Variants in TMTC3 observed in about 807,000 individuals in gnomAD.
TMTC3 encodes the protein transmembrane O-mannosyltransferase targeting cadherins 3.
TMTC3 carries 52 observed loss-of-function variants against 92.2 expected under a neutral mutation model. The observed-to-expected ratio is 0.56, with a 90% CI of 0.45 to 0.71. TMTC3 has a LOEUF of 0.71. Ranked by LOEUF, TMTC3 falls within the 30% of genes least tolerant of loss-of-function variation. TMTC3 has a pLI of 0.00. For synonymous variants in TMTC3, 339 were observed against 363.3 expected (o/e 0.93, Z 0.76); for missense variants, 896 against 1,057.1 (o/e 0.85, Z 2.11).
chr12:88,177,229 G>A, intron 10 of TMTC3, among the ~76,000 whole-genome samples: 1 of 151,840 alleles, frequency 6.6e-6, no homozygotes, highest in Non-Finnish European at 1.5e-5. Context: ...AGGTGGCTGA[G>A]GCACAAGAAT....
At chr12:88,166,977 C>CT (rs2041150648) in intron 7 of TMTC3, among the ~76,000 whole-genome samples, 1 of 140,000 alleles carries the variant, frequency 7.1e-6, no homozygotes, top group African/African-American at 2.6e-5. Flanking sequence ...TCGGAGAACT[C>CT]TGATTATTTG....
Position 88,195,160 on chromosome 12 carries a change from T to C in TMTC3, c.2256T>C (p.Asp752=). 6.2e-7 allele frequency: 1 copy of C among 1,613,792 alleles called. No individual in the cohort carries two copies. The highest frequency in any genetic ancestry group is 1.3e-5 in the African/African-American group (1 of 75,020). Residue 752 remains aspartate, a synonymous_variant, in exon 14 of 14, where the codon GAT becomes GAC. Transcript: ENST00000266712. ...ACATTCTGATGAATCAAAAGAAAGA[T>C]ATACTAGGAGCAAAAAAATGTTTTG... is the stretch of plus-strand genomic sequence containing the variant. The part of the protein sequence containing the change: ...KGDILMNQKK[D]ILGAKKCFER...
chr12:88,152,736 G>T (rs1048478228), intron 2 of TMTC3, among the ~76,000 whole-genome samples: 3 of 152,080 alleles, frequency 2.0e-5, no homozygotes, highest in Admixed American at 6.6e-5. Flanking sequence ...TTTTACTCTT[G>T]TATTACTCTC....
intron 2 of TMTC3, among the ~76,000 whole-genome samples, chr12:88,152,433 CA>C (rs1406409416): frequency 1.3e-5 from 2 of 152,176 alleles, no homozygotes; most frequent in Non-Finnish European, 2.9e-5. Context: ...GCCCAACCTT[CA>C]ACATTTCAAC....
At chr12:88,150,653 C>G (rs1243706591) in intron 2 of TMTC3, among the ~76,000 whole-genome samples, 1 of 152,138 alleles carries the variant, frequency 6.6e-6, no homozygotes, top group Admixed American at 6.5e-5. Context: ...GGCATATTCT[C>G]TCCCTGAAGG....
chr12:88,151,611 G>T (rs1438532700), intron 2 of TMTC3, among the ~76,000 whole-genome samples: 15 of 152,072 alleles, frequency 9.9e-5, no homozygotes, highest in Non-Finnish European at 4.4e-5. Flanking sequence ...CTGTTAGTTG[G>T]TCATCACCTA....
intron 1 of TMTC3, among the ~76,000 whole-genome samples, chr12:88,144,063 C>T (rs1389070304): frequency 2.6e-5 from 4 of 152,194 alleles, no homozygotes; most frequent in Non-Finnish European, 4.4e-5. Context: ...AACGAGCAGA[C>T]GTCCCACCTT....
chr12:88,153,530 AC>A (rs776187628), intron 3 of TMTC3, 21 bp downstream of exon 3: 5 of 1,460,240 alleles, frequency 3.4e-6, no homozygotes, highest in Non-Finnish European at 3.8e-6. Flanking sequence ...CTATGAACTG[AC>A]TTTTTTTCTT....
intron 3 of TMTC3, among the ~76,000 whole-genome samples, chr12:88,153,938 A>G (rs1005868388): frequency 6.6e-6 from 1 of 152,048 alleles, no homozygotes; most frequent in African/African-American, 2.4e-5. Context: ...TTTTAAGAAA[A>G]TATGTAAGAA....
In TMTC3 at chr12:88,198,727, C is replaced by A. The variant is rs1307913063; in HGVS notation, c.*3078C>A. ...CATGTTACAGAATGCTTTAAAGATG[C>A]TTTAATGAAAAGTATTAAGAAAATA... On this transcript the variant is annotated 3_prime_UTR_variant, in exon 14 of 14. Coordinates refer to ENST00000266712, the MANE Select transcript of TMTC3 (RefSeq NM_181783.4). 7.9e-6 allele frequency: 2 copies of A among 252,334 alleles called. No individual in the cohort carries two copies. Among genetic ancestry groups the A allele is most frequent in the Non-Finnish European group, 1.5e-5 (2 of 134,628 alleles). 15.6% of individuals were successfully genotyped at this position (252,334 alleles called of 1,614,324 possible).
chr12:88,174,529 T>G lies in TMTC3; in HGVS notation c.1200-78T>G. 2.0e-6 allele frequency: 3 copies of G among 1,479,680 alleles called. 1 individual carries two copies. The South Asian group carries it at 3.8e-5, about 19-fold the overall frequency. 91.7% of individuals were successfully genotyped at this position (1,479,680 alleles called of 1,614,324 possible). A position where few individuals can be genotyped will look rare whatever the true frequency, so the allele number is the denominator to read the frequency against. On this transcript the variant is annotated intron_variant, in intron 8 of 13. Coordinates refer to ENST00000266712, the MANE Select transcript of TMTC3 (RefSeq NM_181783.4). ...ATTTTAGGAGCATTTAAGATACTTC[T>G]TACCTCTGTTCTAAAAGGTAAAATG...
chr12:88,184,456 C>T (rs11833267), intron 10 of TMTC3, among the ~76,000 whole-genome samples: 10,577 of 152,246 alleles, frequency 0.069, 1,250 homozygotes, highest in African/African-American at 0.24. Flanking sequence ...TTTGCAAAGC[C>T]TCCTGGCCTT....
At chr12:88,179,110 A>C (rs1418398899) in intron 10 of TMTC3, among the ~76,000 whole-genome samples, 4 of 152,248 alleles carry the variant, frequency 2.6e-5, no homozygotes, top group Admixed American at 1.3e-4. Context: ...GCCATGAGAT[A>C]GGAAAACAAG....
rs367600877 is a variant in TMTC3, at chr12:88,195,663, C to T, written c.*14C>T. The T allele has an allele frequency of 1.4e-5, 22 of 1,561,130 alleles. No individual in the cohort carries two copies. The highest frequency in any genetic ancestry group is 1.8e-4 in the Middle Eastern group (1 of 5,544). Reference sequence around the variant, plus strand: ...AATGGTGAATAACATTAATATTTATCGTGACAATGGTATCAAAGAACATCA... The same window carrying T: ...AATGGTGAATAACATTAATATTTATTGTGACAATGGTATCAAAGAACATCA... On this transcript the variant is annotated 3_prime_UTR_variant, in exon 14 of 14. Transcript: ENST00000266712.
intron 1 of TMTC3, among the ~76,000 whole-genome samples, chr12:88,144,806 T>C (rs1469519856): frequency 6.6e-6 from 1 of 152,206 alleles, no homozygotes; most frequent in Non-Finnish European, 1.5e-5. Context: ...TGTACCTAAG[T>C]GTGAGTCAGG....
At chr12:88,142,894 T>C (rs2040770568) in intron 1 of TMTC3, among the ~76,000 whole-genome samples, 2 of 152,080 alleles carry the variant, frequency 1.3e-5, no homozygotes, top group South Asian at 4.1e-4. Context: ...AGGTTAGTAC[T>C]TGTCCGGACC....
chr12:88,194,694 AT>A (rs1457669107), intron 13 of TMTC3, 143 bp from the exon 14 acceptor site: 1 of 552,258 alleles, frequency 1.8e-6, no homozygotes, highest in Non-Finnish European at 2.8e-6. Flanking sequence ...AGACTTCGAG[AT>A]TTTTGCTTTC....
chr12:88,194,880 G>A lies in TMTC3; in HGVS notation c.1976G>A (p.Ser659Asn). Residue 659 changes from serine to asparagine, a missense_variant, in exon 14 of 14, where the codon AGT (serine) becomes AAT (asparagine). Physicochemically the swap from Ser to Asn is conservative, Grantham distance 46. Transcript: ENST00000266712. ...LRPEARKRLL[S>N]YINEEPLDAN... ...CCTGAAGCTAGAAAACGACTTCTAA[G>A]TTATATAAATGAAGAGCCACTAGAT... is the stretch of plus-strand genomic sequence containing the variant. 1 of 1,611,112 alleles carries A rather than the reference G, an allele frequency of 6.2e-7. No homozygotes were observed.
rs2041507486 is a variant in TMTC3 at position 88,195,930 on chromosome 12, T to C, written c.*281T>C. On this transcript the variant is annotated 3_prime_UTR_variant, in exon 14 of 14. Coordinates refer to ENST00000266712, the MANE Select transcript of TMTC3 (RefSeq NM_181783.4). ...TAGAAAGAAGGTGTTTCTGGCAATG[T>C]AATCTTTACTGCTCTCAATTAAAAA... is the stretch of plus-strand genomic sequence containing the variant. The C allele has an allele frequency of 4.2e-6, 1 of 238,818 alleles. No homozygotes were observed. Among genetic ancestry groups the C allele is most frequent in the Non-Finnish European group, 8.1e-6 (1 of 124,124 alleles). The allele number at this position is 238,818 out of a possible 1,614,324, so 14.8% of individuals were successfully genotyped here. A position where few individuals can be genotyped will look rare whatever the true frequency, so the allele number is the denominator to read the frequency against.
Sources: allele counts gnomAD v4.1 joint callset (sites outside exome capture counted in the v4.1 genomes callset), GRCh38; gene constraint gnomAD v4.1.1; transcripts MANE v1.5; gene names NCBI Gene and HGNC (gene_info 2026-07-23, HGNC 2026-07-21).